Variants in ARHGEF10 observed in about 807,000 individuals in gnomAD.
The protein encoded by ARHGEF10 is Rho guanine nucleotide exchange factor (GEF) 10.
Under a neutral mutation model 147.4 loss-of-function variants are expected in ARHGEF10, and 140 were observed. The ratio of observed to expected loss-of-function variants is 0.95; its 90% CI spans 0.83 to 1.09. The LOEUF is 1.09. ARHGEF10 is among the 50% of genes least tolerant of loss of function. The probability of loss-of-function intolerance (pLI) is 0.00; values close to 1 mark genes in which losing one functional copy is unlikely to be tolerated. For synonymous variants in ARHGEF10, 902 were observed against 695.8 expected (o/e 1.30, Z -4.67); for missense variants, 2,222 against 1,752.7 (o/e 1.27, Z -4.78).
chr8:1,867,630 C>G (rs925900136), intron 6 of ARHGEF10, among the ~76,000 whole-genome samples: 6 of 152,226 alleles, frequency 3.9e-5, no homozygotes, highest in Admixed American at 6.5e-5. Flanking sequence ...GCCAGCCCCC[C>G]TCCAGGTGGC....
intron 18 of ARHGEF10, among the ~76,000 whole-genome samples, chr8:1,922,545 G>T (rs991202180): frequency 6.6e-6 from 1 of 152,128 alleles, no homozygotes; most frequent in Admixed American, 6.5e-5. Context: ...AGATTTCAGG[G>T]ACGTGACCAC....
intron 18 of ARHGEF10, among the ~76,000 whole-genome samples, chr8:1,919,562 G>T (rs1382841239): frequency 6.7e-6 from 1 of 149,536 alleles, no homozygotes; most frequent in African/African-American, 2.5e-5. Flanking sequence ...CTGTTCTATG[G>T]GTGATGAGCT....
At chr8:1,928,319 C>T in intron 23 of ARHGEF10, 108 bp from the exon 24 acceptor site, 3 of 982,698 alleles carry the variant, frequency 3.1e-6, no homozygotes, top group Non-Finnish European at 4.9e-6. Flanking sequence ...TGTGTTGATT[C>T]TCACATGAAA....
At chr8:1,854,313 G>A (rs1021617381) in intron 2 of ARHGEF10, among the ~76,000 whole-genome samples, 3 of 152,008 alleles carry the variant, frequency 2.0e-5, no homozygotes, top group Non-Finnish European at 4.4e-5. Flanking sequence ...AGGCGGCCTC[G>A]CCCTCTGTCC....
chr8:1,923,052 G>C lies in ARHGEF10; in HGVS notation c.2232G>C (p.Leu744=). 1 of 1,612,596 alleles carries C rather than the reference G, an allele frequency of 6.2e-7. No individual in the cohort carries two copies. Among genetic ancestry groups the C allele is most frequent in the South Asian group, 1.1e-5 (1 of 91,018 alleles). The change falls in exon 19 of 29, where the codon CTG becomes CTC. Residue 744 remains leucine (L), a synonymous_variant. Transcript: ENST00000349830. The part of the protein sequence containing the change: ...DLNVIGQITQ[L]IGNLKGNYQN... ...ATGTAATTGGCCAAATCACTCAGCT[G>C]ATAGGAAACCTTAAAGGAAACTATC...
chr8:1,875,544 G>A (rs377361431), intron 7 of ARHGEF10, among the ~76,000 whole-genome samples: 6 of 152,170 alleles, frequency 3.9e-5, no homozygotes, highest in South Asian at 2.1e-4. Flanking sequence ...ATCATTGTCC[G>A]TGGCACACAG....
chr8:1,936,331 A>G (rs1203221229), intron 26 of ARHGEF10, among the ~76,000 whole-genome samples: 2 of 152,188 alleles, frequency 1.3e-5, no homozygotes, highest in Non-Finnish European at 2.9e-5. Flanking sequence ...GCTGGGCAAC[A>G]TGGCAAAACC....
chr8:1,908,515 A>C (rs1328888935), intron 17 of ARHGEF10, among the ~76,000 whole-genome samples: 1 of 152,118 alleles, frequency 6.6e-6, no homozygotes, highest in Non-Finnish European at 1.5e-5. Flanking sequence ...TACAGGCGTG[A>C]GCCACCGCGC....
chr8:1,838,373 G>C (rs1359895260), intron 1 of ARHGEF10, among the ~76,000 whole-genome samples: 1 of 152,230 alleles, frequency 6.6e-6, no homozygotes, highest in Admixed American at 6.5e-5. Flanking sequence ...CCGTCTCTGA[G>C]GCTGCAGAGT....
chr8:1,823,408 G>A (rs533633922), upstream of ARHGEF10, among the ~76,000 whole-genome samples: 2 of 151,984 alleles, frequency 1.3e-5, no homozygotes, highest in South Asian at 4.2e-4. Context: ...CCCCTCCTCG[G>A]CTGGGCGCAC....
At chr8:1,861,032 T>G (rs994444636) in intron 4 of ARHGEF10, among the ~76,000 whole-genome samples, 3 of 152,226 alleles carry the variant, frequency 2.0e-5, no homozygotes, top group African/African-American at 4.8e-5. Flanking sequence ...AGTCGGCCAC[T>G]GAGGACGGTG....
chr8:1,834,728 C>T (rs907512557), intron 1 of ARHGEF10, among the ~76,000 whole-genome samples: 1 of 152,238 alleles, frequency 6.6e-6, no homozygotes, highest in African/African-American at 2.4e-5. Flanking sequence ...AGGACTCCTG[C>T]CGTAGACTTT....
intron 12 of ARHGEF10, among the ~76,000 whole-genome samples, chr8:1,894,060 G>C (rs1443328326): frequency 6.6e-6 from 1 of 151,818 alleles, no homozygotes; most frequent in Non-Finnish European, 1.5e-5. Context: ...TATGGTCCCA[G>C]CTACTCGGGA....
At chr8:1,895,238 T>C (rs1377093646) in intron 13 of ARHGEF10, among the ~76,000 whole-genome samples, 1 of 152,262 alleles carries the variant, frequency 6.6e-6, no homozygotes, top group Non-Finnish European at 1.5e-5. Flanking sequence ...ACTCCGTGTA[T>C]GAATCATACT....
At chr8:1,890,111 G>T (rs1014906424) in intron 11 of ARHGEF10, among the ~76,000 whole-genome samples, 1 of 137,418 alleles carries the variant, frequency 7.3e-6, no homozygotes, top group East Asian at 2.4e-4. Context: ...ACCGAGTGCC[G>T]TGTGAGTTGT....
rs965926450 is a variant in ARHGEF10, at chr8:1,838,357, T to C, written c.-47-4996T>C. Reference sequence around the variant, plus strand: ...GCTCCAGCCATGGAACGTACTCTTCTTCCATCCGTCTCTGAGGCTGCAGAG... The same window carrying C: ...GCTCCAGCCATGGAACGTACTCTTCCTCCATCCGTCTCTGAGGCTGCAGAG... On this transcript the variant is annotated intron_variant, in intron 1 of 28. Coordinates refer to ENST00000349830, the MANE Select transcript of ARHGEF10 (RefSeq NM_014629.4). 3.9e-5 allele frequency among the ~76,000 whole-genome samples: 6 copies of C among 152,356 alleles called. No individual in the cohort carries two copies. In the South Asian group the frequency reaches 6.2e-4, roughly 16 times the overall value.
intron 9 of ARHGEF10, among the ~76,000 whole-genome samples, chr8:1,880,947 C>G (rs908911483): frequency 6.6e-6 from 1 of 152,226 alleles, no homozygotes; most frequent in African/African-American, 2.4e-5. Flanking sequence ...GCGTTACCCC[C>G]TCACATGCAG....
intron 21 of ARHGEF10, among the ~76,000 whole-genome samples, chr8:1,924,554 G>C (rs1486145966): frequency 1.3e-5 from 2 of 152,246 alleles, no homozygotes; most frequent in Admixed American, 1.3e-4. Flanking sequence ...AATGCAGAGC[G>C]TGGGTAACGC....
chr8:1,842,004 A>C (rs1804117425), intron 1 of ARHGEF10, among the ~76,000 whole-genome samples: 1 of 78,274 alleles, frequency 1.3e-5, no homozygotes, highest in African/African-American at 4.5e-5. Flanking sequence ...CGCGGCGGGA[A>C]CTGGGGCCGC....
Sources: gnomAD v4.1 joint callset for allele counts (sites outside exome capture counted in the v4.1 genomes callset) on GRCh38, gnomAD v4.1.1 for gene constraint, MANE v1.5 for transcripts, NCBI Gene and HGNC (gene_info 2026-07-23, HGNC 2026-07-21) for gene names.